BANK1: variants seen among roughly 807,000 people sequenced by gnomAD.
BANK1 encodes the protein B cell scaffold protein with ankyrin repeats 1, also known as B-cell scaffold protein with ankyrin repeats.
In BANK1, 95 loss-of-function variants were observed where a neutral mutation model predicts 94.5. The observed-to-expected ratio is 1.00, with a 90% confidence interval of 0.85 to 1.19. The LOEUF (loss-of-function observed/expected upper bound fraction) is 1.19, where lower values mean the gene tolerates loss of function less well. Ranked by LOEUF, BANK1 falls within the 50% of genes most tolerant of loss-of-function variation. BANK1 has a pLI of 0.00. For missense variants in BANK1, 987 were observed against 932.2 expected (o/e 1.06, Z -0.77); for synonymous variants, 334 against 308.4 (o/e 1.08, Z -0.87).
chr4:101,907,557 C>A lies in BANK1; in HGVS notation c.1010-10436C>A, dbSNP rs1255946411. On this transcript the variant is annotated intron_variant, in intron 6 of 16. Transcript: ENST00000322953. ...ATAGTGTTGGAAGTTCTGGCCAGGG[C>A]AATCAGGCAGGAGAAAGAAATAAAG... 4.6e-5 allele frequency among the ~76,000 whole-genome samples: 7 copies of A among 152,198 alleles called. No individual in the cohort carries two copies. In the South Asian group the frequency reaches 6.2e-4, roughly 14 times the overall value.
At chr4:102,071,360 T>C (rs34184671) in intron 14 of BANK1, 56 bp downstream of exon 14, 294,066 of 1,511,386 alleles carry the variant, frequency 0.19, 30,044 homozygotes, top group East Asian at 0.29. Context: ...ACAGAGTAAA[T>C]CAATTTCAAT....
At position 102,060,343 on chromosome 4, in the gene BANK1, T is replaced by G; in HGVS notation, c.2102T>G (p.Phe701Cys). The G allele has an allele frequency of 1.2e-6, 2 of 1,610,856 alleles. No individual in the cohort carries two copies. Among genetic ancestry groups the G allele is most frequent in the Non-Finnish European group, 1.7e-6 (2 of 1,178,882 alleles). Residue 701 changes from phenylalanine (F) to cysteine (C), a missense_variant, in exon 12 of 17, where the codon TTT becomes TGT. Physicochemically the swap from Phe to Cys is radical, Grantham distance 205 (BLOSUM62 -2). Coordinates refer to ENST00000322953, the MANE Select transcript of BANK1 (RefSeq NM_017935.5). ...KMSMDEALEK[F>C]KHWQMGKSGL... The stretch of plus-strand genomic sequence containing the variant: ...TCTATGGATGAAGCTCTGGAGAAAT[T>G]TAAACACTGGCAGATGGGAAAAAGT...
Position 101,830,221 on chromosome 4 carries a change from C to T in BANK1, c.469+15C>T, listed in dbSNP as rs1242558684. 3 of 1,452,024 alleles carry T rather than the reference C, an allele frequency of 2.1e-6. No homozygotes were observed. Among genetic ancestry groups the T allele is most frequent in the Non-Finnish European group, 2.7e-6 (3 of 1,107,004 alleles). The allele number at this position is 1,452,024 out of a possible 1,614,324, so 89.9% of individuals were successfully genotyped here. A position where few individuals can be genotyped will look rare whatever the true frequency, so the allele number is the denominator to read the frequency against. ...CATATTCAAAGGTAGTGTTGCCAAA[C>T]CTTGTTTGTTTTATTTTTATTTGTT... is the stretch of plus-strand genomic sequence containing the variant. On this transcript the variant is annotated intron_variant, in intron 2 of 16. Coordinates refer to ENST00000322953, the MANE Select transcript of BANK1 (RefSeq NM_017935.5).
intron 7 of BANK1, among the ~76,000 whole-genome samples, chr4:101,992,561 A>G (rs1318165771): frequency 6.6e-6 from 1 of 152,200 alleles, no homozygotes; most frequent in East Asian, 1.9e-4. Context: ...AGAAAAGTTC[A>G]TAGAAACCAT....
At chr4:101,836,184 GT>G (rs903295788) in intron 2 of BANK1, among the ~76,000 whole-genome samples, 4 of 151,760 alleles carry the variant, frequency 2.6e-5, no homozygotes, top group African/African-American at 9.7e-5. Context: ...ATGGAATGTT[GT>G]TAACTTTCTT....
At chr4:101,884,219 A>G (rs1212784871) in intron 5 of BANK1, among the ~76,000 whole-genome samples, 1 of 152,232 alleles carries the variant, frequency 6.6e-6, no homozygotes, top group Admixed American at 6.5e-5. Flanking sequence ...TACCTTAGGT[A>G]GCAAAACACA....
At chr4:101,835,047 G>C (rs1188630818) in intron 2 of BANK1, among the ~76,000 whole-genome samples, 1 of 152,090 alleles carries the variant, frequency 6.6e-6, no homozygotes, top group African/African-American at 2.4e-5. Flanking sequence ...CACAAATCCA[G>C]CTGTATTTAC....
At chr4:101,883,012 A>T (rs1728733491) in intron 5 of BANK1, among the ~76,000 whole-genome samples, 1 of 152,126 alleles carries the variant, frequency 6.6e-6, no homozygotes, top group Non-Finnish European at 1.5e-5. Context: ...CAATTTGGTG[A>T]TTTACTTCTG....
chr4:101,958,659 A>G (rs185859933), intron 7 of BANK1, among the ~76,000 whole-genome samples: 450 of 152,314 alleles, frequency 3.0e-3, no homozygotes, highest in Non-Finnish European at 3.9e-3. Flanking sequence ...CCTTGCCGCA[A>G]AATGAATTCT....
At chr4:102,010,476 T>G (rs1310219908) in intron 7 of BANK1, among the ~76,000 whole-genome samples, 1 of 150,934 alleles carries the variant, frequency 6.6e-6, no homozygotes, top group Non-Finnish European at 1.5e-5. Flanking sequence ...CACTGCAGCT[T>G]CCGCCTCCCG....
At chr4:101,803,772 C>T (rs1352042548) in intron 1 of BANK1, among the ~76,000 whole-genome samples, 6 of 151,012 alleles carry the variant, frequency 4.0e-5, no homozygotes, top group African/African-American at 1.2e-4. Context: ...CCGAGGCGGG[C>T]GGATCACGAG....
At chr4:101,935,238 C>G (rs1455490280) in intron 7 of BANK1, among the ~76,000 whole-genome samples, 3 of 151,460 alleles carry the variant, frequency 2.0e-5, no homozygotes, top group Admixed American at 2.0e-4. Flanking sequence ...AACACTCACA[C>G]TGCAATTCTA....
At chr4:101,947,309 A>ATATATATATATATATATATG (rs1176507515) in intron 7 of BANK1, among the ~76,000 whole-genome samples, 3,848 of 66,936 alleles carry the variant, frequency 0.057, 326 homozygotes, top group South Asian at 0.11. Context: ...ATATATATAT[A>ATATATATATATATATATATG]TATGTATATG....
intron 1 of BANK1, among the ~76,000 whole-genome samples, chr4:101,820,336 C>A (rs542234501): frequency 1.5e-3 from 229 of 152,274 alleles, no homozygotes; most frequent in Non-Finnish European, 2.2e-3. Context: ...GGAATTTTCT[C>A]CCTTCCCTTG....
At chr4:102,062,971 A>G (rs1184061899) in intron 12 of BANK1, 104 bp from the exon 13 acceptor site, 1 of 823,382 alleles carries the variant, frequency 1.2e-6, no homozygotes, top group Admixed American at 2.4e-5. Context: ...TAGCAAATTA[A>G]TATCAAGTAG....
intron 8 of BANK1, 149 bp from the exon 9 acceptor site, chr4:102,025,052 A>G: frequency 2.4e-6 from 2 of 823,574 alleles, no homozygotes; most frequent in Non-Finnish European, 3.8e-6. Context: ...ATGACTGTTC[A>G]CTAAAAGTTA....
intron 6 of BANK1, among the ~76,000 whole-genome samples, chr4:101,898,658 G>A (rs1486817805): frequency 6.6e-6 from 1 of 151,992 alleles, no homozygotes; most frequent in African/African-American, 2.4e-5. Flanking sequence ...AAAGTATGGA[G>A]TGAAATGCTA....
At chr4:101,916,436 T>C (rs1302134461) in intron 6 of BANK1, among the ~76,000 whole-genome samples, 4 of 152,032 alleles carry the variant, frequency 2.6e-5, no homozygotes, top group African/African-American at 9.7e-5. Flanking sequence ...TTAATACTCA[T>C]CTTACTGTTA....
At chr4:102,022,676 A>G (rs939503221) in intron 8 of BANK1, among the ~76,000 whole-genome samples, 2 of 152,134 alleles carry the variant, frequency 1.3e-5, no homozygotes, top group African/African-American at 2.4e-5. Flanking sequence ...CAACTTCCAC[A>G]TTTGTTGCCT....
Sources: gnomAD v4.1 joint callset for allele counts (sites outside exome capture counted in the v4.1 genomes callset) on GRCh38, gnomAD v4.1.1 for gene constraint, MANE v1.5 for transcripts, NCBI Gene and HGNC (gene_info 2026-07-23, HGNC 2026-07-21) for gene names.